The following SLC35D4 variants were observed in gnomAD, a reference collection of about 807,000 sequenced individuals.
The protein encoded by SLC35D4 is UDP-N-acetylglucosamine transporter SLC35D4.
the SLC35D4 span, chr18:23,437,917 C>A: frequency 6.5e-7 from 1 of 1,536,652 alleles, no homozygotes; most frequent in Non-Finnish European, 8.9e-7. Flanking sequence ...CGCCGCCCGA[C>A]CCCCGCAGCA....
the SLC35D4 span, among the ~76,000 whole-genome samples, chr18:23,255,100 T>A: frequency 6.6e-6 from 1 of 151,698 alleles, no homozygotes; most frequent in Non-Finnish European, 1.5e-5. Flanking sequence ...GGCTCTGGGG[T>A]GATAAGGGCA....
the SLC35D4 span, among the ~76,000 whole-genome samples, chr18:23,397,791 G>A: frequency 1.3e-5 from 2 of 152,228 alleles, no homozygotes; most frequent in Admixed American, 1.3e-4. Flanking sequence ...AGTAGCTCAT[G>A]CCTGTAATCC....
At chr18:23,376,223 C>T in the SLC35D4 span, among the ~76,000 whole-genome samples, 3 of 152,338 alleles carry the variant, frequency 2.0e-5, no homozygotes, top group Admixed American at 6.5e-5. Context: ...ACATATATAT[C>T]TAACACACAA....
At chr18:23,353,326 A>G in the SLC35D4 span, among the ~76,000 whole-genome samples, 1 of 152,166 alleles carries the variant, frequency 6.6e-6, no homozygotes, top group Non-Finnish European at 1.5e-5. Context: ...GACCTTATAC[A>G]GGCACTGGTG....
chr18:23,333,990 T>G, the SLC35D4 span, among the ~76,000 whole-genome samples: 1 of 152,184 alleles, frequency 6.6e-6, no homozygotes, highest in South Asian at 2.1e-4. Context: ...TAACCCTGAG[T>G]AGGATGTGCC....
chr18:23,377,826 T>C, the SLC35D4 span, among the ~76,000 whole-genome samples: 167 of 152,276 alleles, frequency 1.1e-3, no homozygotes, highest in Admixed American at 1.9e-3. Flanking sequence ...AGGCTTTTTC[T>C]GCTTGGGCCA....
chr18:23,304,569 G>C, the SLC35D4 span, among the ~76,000 whole-genome samples: 19 of 151,366 alleles, frequency 1.3e-4, no homozygotes, highest in African/African-American at 4.6e-4. Context: ...GAAAGAGAGA[G>C]AGGGAGAGAG....
At chr18:23,356,563 A>G in the SLC35D4 span, 4 of 1,609,366 alleles carry the variant, frequency 2.5e-6, no homozygotes, top group South Asian at 1.1e-5. This position sits in a 1 kb window ranked among gnomAD's most constrained non-coding sequence, Gnocchi z 4.1. Context: ...GACAGCACAG[A>G]AAGCATACAA....
chr18:23,320,950 C>T, the SLC35D4 span, among the ~76,000 whole-genome samples: 1 of 152,196 alleles, frequency 6.6e-6, no homozygotes, highest in Non-Finnish European at 1.5e-5. Context: ...CCTGCACCAC[C>T]CCAGAACTCA....
the SLC35D4 span, among the ~76,000 whole-genome samples, chr18:23,322,208 C>T: frequency 2.6e-5 from 4 of 152,208 alleles, no homozygotes; most frequent in Non-Finnish European, 5.9e-5. Flanking sequence ...ATTCTCTTGA[C>T]TCTCCATCTC....
the SLC35D4 span, chr18:23,430,524 T>C: frequency 1.1e-6 from 1 of 871,248 alleles, no homozygotes; most frequent in Non-Finnish European, 1.8e-6. Context: ...TCTTACAATA[T>C]GTCTATTTGA....
the SLC35D4 span, among the ~76,000 whole-genome samples, chr18:23,437,461 G>A: frequency 6.6e-6 from 1 of 151,988 alleles, no homozygotes; most frequent in Admixed American, 6.6e-5. Flanking sequence ...TCCTCCCCGG[G>A]GGAGCAGGAG....
At chr18:23,304,608 G>C in the SLC35D4 span, among the ~76,000 whole-genome samples, 1 of 151,966 alleles carries the variant, frequency 6.6e-6, no homozygotes, top group Non-Finnish European at 1.5e-5. Context: ...ACATATCTCA[G>C]GATATAAAGG....
chr18:23,297,686 C>T, the SLC35D4 span: 1 of 314,852 alleles, frequency 3.2e-6, no homozygotes, highest in Non-Finnish European at 6.1e-6. Flanking sequence ...CCCATGAAAT[C>T]CTGTACTTCC....
the SLC35D4 span, among the ~76,000 whole-genome samples, chr18:23,323,268 C>T: frequency 1.3e-5 from 2 of 152,222 alleles, no homozygotes; most frequent in Admixed American, 6.5e-5. Flanking sequence ...AACTTCAATT[C>T]ACACTACTGT....
At chr18:23,295,495 A>G in the SLC35D4 span, among the ~76,000 whole-genome samples, 1 of 152,174 alleles carries the variant, frequency 6.6e-6, no homozygotes, top group African/African-American at 2.4e-5. Context: ...AAAAAAAATA[A>G]TATAAATATT....
At chr18:23,246,454 A>C in the SLC35D4 span, among the ~76,000 whole-genome samples, 29 of 151,806 alleles carry the variant, frequency 1.9e-4, no homozygotes, top group Admixed American at 4.0e-4. Flanking sequence ...TGCAGTGGCA[A>C]GATCTTGGCT....
the SLC35D4 span, among the ~76,000 whole-genome samples, chr18:23,246,627 G>A: frequency 3.6e-4 from 54 of 151,464 alleles, 1 homozygote; most frequent in East Asian, 4.1e-3. Context: ...TCCTGACCTT[G>A]TGATCCGCCC....
the SLC35D4 span, among the ~76,000 whole-genome samples, chr18:23,353,516 G>T: frequency 6.6e-6 from 1 of 152,208 alleles, no homozygotes; most frequent in Non-Finnish European, 1.5e-5. Context: ...AAATGTCACA[G>T]AAATGTGTAC....
Sources: gnomAD v4.1 joint callset for allele counts (sites outside exome capture counted in the v4.1 genomes callset) on GRCh38, gnomAD v4.1.1 for gene constraint, Gnocchi (gnomAD v3.1) non-coding constraint, MANE v1.5 for transcripts, NCBI Gene and HGNC (gene_info 2026-07-23, HGNC 2026-07-21) for gene names.